PLCB1: variants seen among roughly 807,000 people sequenced by gnomAD.
PLCB1 encodes phospholipase C beta 1, also known as 1-phosphatidylinositol 4,5-bisphosphate phosphodiesterase beta-1.
In PLCB1, 46 loss-of-function variants were observed where a neutral mutation model predicts 161.8. The observed-to-expected ratio is 0.28, with a 90% CI of 0.22 to 0.36. PLCB1 has a LOEUF of 0.36. Ranked by LOEUF, PLCB1 falls within the 10% of genes least tolerant of loss-of-function variation. The pLI is 1.00. For missense variants in PLCB1, 1,016 were observed against 1,472.5 expected (o/e 0.69, Z 5.07); for synonymous variants, 517 against 503.7 (o/e 1.03, Z -0.35).
intron 25 of PLCB1, among the ~76,000 whole-genome samples, chr20:8,761,145 C>A (rs896558925): frequency 1.3e-5 from 2 of 152,154 alleles, no homozygotes; most frequent in Non-Finnish European, 2.9e-5. Flanking sequence ...TAAATAAACT[C>A]AAGTCACACA....
At position 8,382,038 on chromosome 20, in the gene PLCB1, T is replaced by C. The variant is rs1440659001; in HGVS notation, c.246+10588T>C. Among the ~76,000 whole-genome samples the C allele has an allele frequency of 4.6e-5, 7 of 152,266 alleles. No individual in the cohort carries two copies. The East Asian group carries it at 1.4e-3, about 29-fold the overall frequency. On this transcript the variant is annotated intron_variant, in intron 3 of 31. Transcript: ENST00000338037. ...CTTGCTTCTATAACTCTTTTAATTG[T>C]GATGTTAGGGTATCAGTTTGAGATC...
chr20:8,728,293 T>A (rs1420330409), intron 17 of PLCB1, among the ~76,000 whole-genome samples: 1 of 152,094 alleles, frequency 6.6e-6, no homozygotes, highest in Non-Finnish European at 1.5e-5. Context: ...TGAGGTTCAA[T>A]TTCATTTTGC....
intron 31 of PLCB1, among the ~76,000 whole-genome samples, chr20:8,856,957 G>A (rs909680125): frequency 6.6e-6 from 1 of 152,200 alleles, no homozygotes; most frequent in Non-Finnish European, 1.5e-5. Context: ...GGTCTTAGTT[G>A]TTCTCACTTA....
intron 3 of PLCB1, among the ~76,000 whole-genome samples, chr20:8,621,030 A>G (rs563921274): frequency 6.6e-6 from 1 of 152,344 alleles, no homozygotes; most frequent in Non-Finnish European, 1.5e-5. Flanking sequence ...AATCTCACCA[A>G]TAAAGAACTC....
At chr20:8,234,262 T>C (rs1282855632) in intron 2 of PLCB1, among the ~76,000 whole-genome samples, 6 of 152,072 alleles carry the variant, frequency 3.9e-5, no homozygotes, top group Admixed American at 6.6e-5. Context: ...TGTTGAGTTT[T>C]GAGGAGCATG....
rs945401179 is a variant in PLCB1 at position 8,669,785 on chromosome 20, A to G, written c.862+11081A>G. ...GGCACTTAGGGCACTAAAAGATAAC[A>G]TGTTTTAAGTAGCTCATCAGAAAGC... On this transcript the variant is annotated intron_variant, in intron 9 of 31. Coordinates refer to ENST00000338037, the MANE Select transcript of PLCB1 (RefSeq NM_015192.4). 3.3e-5 allele frequency among the ~76,000 whole-genome samples: 5 copies of G among 152,312 alleles called. No homozygotes were observed. The South Asian group carries it at 8.3e-4, about 25-fold the overall frequency.
At chr20:8,453,071 A>C (rs762764678) in intron 3 of PLCB1, among the ~76,000 whole-genome samples, 1 of 152,142 alleles carries the variant, frequency 6.6e-6, no homozygotes, top group Non-Finnish European at 1.5e-5. Context: ...CTCCTTATCT[A>C]CTTCTTTGTG....
intron 31 of PLCB1, among the ~76,000 whole-genome samples, chr20:8,839,799 G>T (rs1427573993): frequency 6.6e-6 from 1 of 151,466 alleles, no homozygotes; most frequent in Non-Finnish European, 1.5e-5. Context: ...GGGAGGCCGA[G>T]GCAGGTGGAT....
At chr20:8,408,549 T>C (rs1371876777) in intron 3 of PLCB1, among the ~76,000 whole-genome samples, 1 of 152,152 alleles carries the variant, frequency 6.6e-6, no homozygotes, top group Non-Finnish European at 1.5e-5. Flanking sequence ...GACATAAATA[T>C]TAGACATCCC....
intron 2 of PLCB1, among the ~76,000 whole-genome samples, chr20:8,370,253 A>G (rs1568650111): frequency 2.6e-5 from 4 of 152,204 alleles, no homozygotes; most frequent in African/African-American, 4.8e-5. Context: ...TGTGTGTCAC[A>G]AACCTCATGG....
intron 4 of PLCB1, among the ~76,000 whole-genome samples, chr20:8,638,016 C>G (rs898504299): frequency 2.0e-5 from 3 of 152,216 alleles, no homozygotes; most frequent in Non-Finnish European, 4.4e-5. Context: ...CTGCCTCAGC[C>G]TCCCGAGTAG....
chr20:8,207,847 C>G (rs1978615376), intron 2 of PLCB1, among the ~76,000 whole-genome samples: 1 of 152,160 alleles, frequency 6.6e-6, no homozygotes, highest in Non-Finnish European at 1.5e-5. Flanking sequence ...ACCCAAAGCA[C>G]TGGGATTACA....
chr20:8,347,502 A>T (rs377508945), intron 2 of PLCB1, among the ~76,000 whole-genome samples: 1 of 152,124 alleles, frequency 6.6e-6, no homozygotes, highest in African/African-American at 2.4e-5. Flanking sequence ...AATAAATTTC[A>T]TGTGTGCCTT....
intron 3 of PLCB1, among the ~76,000 whole-genome samples, chr20:8,413,587 T>C (rs573170378): frequency 2.6e-5 from 4 of 152,330 alleles, no homozygotes; most frequent in Admixed American, 2.6e-4. Context: ...CAATCACTAC[T>C]TGCTACTTTT....
intron 23 of PLCB1, among the ~76,000 whole-genome samples, chr20:8,755,911 G>C (rs1191253842): frequency 6.6e-6 from 1 of 152,228 alleles, no homozygotes; most frequent in African/African-American, 2.4e-5. Context: ...TCTGACGTTG[G>C]ACAGGGAGTT....
chr20:8,560,724 A>G (rs1164289221), intron 3 of PLCB1, among the ~76,000 whole-genome samples: 1 of 152,008 alleles, frequency 6.6e-6, no homozygotes, highest in Non-Finnish European at 1.5e-5. Context: ...CAAGTCTCCC[A>G]TAACCTACCA....
At chr20:8,364,687 A>G (rs1986653958) in intron 2 of PLCB1, among the ~76,000 whole-genome samples, 1 of 152,254 alleles carries the variant, frequency 6.6e-6, no homozygotes. Context: ...CACTATACAA[A>G]TCAGGATAAA....
At chr20:8,563,071 A>T (rs1986194349) in intron 3 of PLCB1, among the ~76,000 whole-genome samples, 1 of 152,064 alleles carries the variant, frequency 6.6e-6, no homozygotes, top group African/African-American at 2.4e-5. Flanking sequence ...TATGATACTG[A>T]CAGCCAAAAC....
chr20:8,607,179 A>G (rs1987780052), intron 3 of PLCB1, among the ~76,000 whole-genome samples: 1 of 152,144 alleles, frequency 6.6e-6, no homozygotes, highest in Non-Finnish European at 1.5e-5. Context: ...TATCCAAATT[A>G]CATCCAACGC....
Sources: gnomAD v4.1 joint callset for allele counts (sites outside exome capture counted in the v4.1 genomes callset) on GRCh38, gnomAD v4.1.1 for gene constraint, MANE v1.5 for transcripts, NCBI Gene and HGNC (gene_info 2026-07-23, HGNC 2026-07-21) for gene names.